CSMD2: variants seen among roughly 807,000 people sequenced by gnomAD.
The protein encoded by CSMD2 is CUB and sushi domain-containing protein 2.
CSMD2 carries 130 observed loss-of-function variants against 398.5 expected under a neutral mutation model. That is an observed-to-expected ratio of 0.33 (90% CI 0.28 to 0.38). CSMD2 has a LOEUF of 0.38. Among genes scored for constraint, CSMD2 ranks in the 10% least tolerant of loss-of-function variants. The pLI is 1.00. For missense variants in CSMD2, 3,829 were observed against 4,764.9 expected (o/e 0.80, Z 5.78); for synonymous variants, 1,828 against 1,908.5 (o/e 0.96, Z 1.10).
rs774765893 is a variant in CSMD2 at position 33,567,478 on chromosome 1, C to CATATATATATATATATATATATATAT, written c.8380+114_8380+115insATATATATATATATATATATATATAT. ...CAGTTTTGAAAAAAAAAATAGCAATCATATATATATATATATATTTAAAAC... is the reference window on the plus strand; with the variant it reads ...CAGTTTTGAAAAAAAAAATAGCAATCATATATATATATATATATATATATATATATATATATATATATATTTAAAAC... On this transcript the variant is annotated intron_variant, in intron 53 of 70. Transcript: ENST00000373381. 3.4e-3 allele frequency: 1,583 copies of CATATATATATATATATATATATATAT among 468,632 alleles called. 23 individuals are homozygous for CATATATATATATATATATATATATAT. The highest frequency in any genetic ancestry group is 5.8e-3 in the Admixed American group (121 of 20,718). The allele number at this position is 468,632 out of a possible 1,614,324, so 29.0% of individuals were successfully genotyped here.
At chr1:33,538,190 T>G (rs894178980) in intron 60 of CSMD2, among the ~76,000 whole-genome samples, 1 of 152,210 alleles carries the variant, frequency 6.6e-6, no homozygotes, top group Non-Finnish European at 1.5e-5. Flanking sequence ...TTCTTTTTTG[T>G]TTTTTCTTTT....
At chr1:33,958,454 G>A (rs1359342863) in intron 3 of CSMD2, among the ~76,000 whole-genome samples, 2 of 152,156 alleles carry the variant, frequency 1.3e-5, no homozygotes, top group Non-Finnish European at 2.9e-5. Flanking sequence ...TCACACCCAT[G>A]ACTAGGTAAA....
rs557306240 is a variant in CSMD2, at chr1:33,541,242, G to A, written c.9345C>T (p.Asn3115=). Residue 3115 remains asparagine, a synonymous_variant, in exon 59 of 71, where the codon AAC becomes AAT. Coordinates refer to ENST00000373381, the MANE Select transcript of CSMD2 (RefSeq NM_001281956.2). ...GLRLGNDFRY[N]KTVTYQCVPG... is the part of the protein sequence containing the mutation. Reference sequence around the variant, plus strand: ...GGACACACTGATATGTCACAGTTTTGTTGTACCTGAAGTCATTGCCCAGCC... The same window carrying A: ...GGACACACTGATATGTCACAGTTTTATTGTACCTGAAGTCATTGCCCAGCC... 46 of 1,614,016 alleles carry A rather than the reference G, an allele frequency of 2.9e-5. No individual in the cohort carries two copies. In the South Asian group the frequency reaches 4.7e-4, roughly 17 times the overall value.
intron 4 of CSMD2, among the ~76,000 whole-genome samples, chr1:33,929,218 C>T (rs1016621504): frequency 4.6e-5 from 7 of 152,092 alleles, no homozygotes; most frequent in African/African-American, 1.7e-4. Flanking sequence ...CAATCTACGC[C>T]TGTCCCTCCA....
intron 15 of CSMD2, among the ~76,000 whole-genome samples, chr1:33,730,847 G>GAA (rs1646694843): frequency 6.6e-6 from 1 of 152,114 alleles, no homozygotes; most frequent in Admixed American, 6.5e-5. Flanking sequence ...AACCCATGAC[G>GAA]AATTTTCTTT....
intron 5 of CSMD2, among the ~76,000 whole-genome samples, chr1:33,903,497 C>T (rs775442066): frequency 6.6e-6 from 1 of 152,058 alleles, no homozygotes; most frequent in Non-Finnish European, 1.5e-5. Flanking sequence ...CAAATGTCCC[C>T]CAGGAAGGTT....
intron 25 of CSMD2, 121 bp downstream of exon 25, chr1:33,692,809 A>G (rs371511128): frequency 4.8e-6 from 6 of 1,254,956 alleles, no homozygotes; most frequent in Non-Finnish European, 6.8e-6. Flanking sequence ...ACCACTATTG[A>G]TCACAAGGTT....
At chr1:33,644,973 G>A (rs1431793756) in intron 29 of CSMD2, among the ~76,000 whole-genome samples, 3 of 152,096 alleles carry the variant, frequency 2.0e-5, no homozygotes, top group Non-Finnish European at 2.9e-5. Context: ...AACTGTACCC[G>A]ACAAACAGGA....
chr1:33,579,113 T>G (rs1220804252), intron 48 of CSMD2, among the ~76,000 whole-genome samples: 1 of 152,216 alleles, frequency 6.6e-6, no homozygotes, highest in Non-Finnish European at 1.5e-5. Context: ...TAATTACAAC[T>G]GACTCATTAT....
intron 5 of CSMD2, among the ~76,000 whole-genome samples, chr1:33,876,916 T>C (rs913398258): frequency 6.6e-6 from 1 of 152,208 alleles, no homozygotes; most frequent in Non-Finnish European, 1.5e-5. Flanking sequence ...ATTCTTGGCA[T>C]GACAGATAAT....
intron 21 of CSMD2, among the ~76,000 whole-genome samples, chr1:33,710,859 A>C (rs1306028316): frequency 1.3e-5 from 2 of 152,204 alleles, no homozygotes; most frequent in African/African-American, 4.8e-5. Context: ...GATGGGGGCC[A>C]CATGTCCCAC....
chr1:33,577,487 G>A lies in CSMD2; in HGVS notation c.7388-3C>T. The stretch of plus-strand genomic sequence containing the variant: ...CCTGGGCAGGCTGCAGTAAGGGGCT[G>A]AACAACAAGATGAGGTTCAGGGAAC... On this transcript the variant is annotated splice_polypyrimidine_tract_variant and splice_region_variant and intron_variant, in intron 48 of 70. Transcript: ENST00000373381. The A allele has an allele frequency of 6.2e-7, 1 of 1,603,704 alleles. No homozygotes were observed. Among genetic ancestry groups the A allele is most frequent in the Non-Finnish European group, 8.5e-7 (1 of 1,172,354 alleles).
At chr1:33,758,104 C>A (rs1484316964) in intron 13 of CSMD2, among the ~76,000 whole-genome samples, 2 of 152,172 alleles carry the variant, frequency 1.3e-5, no homozygotes, top group Non-Finnish European at 2.9e-5. Flanking sequence ...AAGGCCCTTG[C>A]CAATCTTTTT....
At position 33,533,931 on chromosome 1, in the gene CSMD2, T is replaced by A; in HGVS notation, c.9880-24A>T. 6.7e-7 allele frequency: 1 copy of A among 1,493,190 alleles called. No homozygotes were observed. Among genetic ancestry groups the A allele is most frequent in the Middle Eastern group, 1.7e-4 (1 of 5,840 alleles). The allele number at this position is 1,493,190 out of a possible 1,614,324, so 92.5% of individuals were successfully genotyped here. A position where few individuals can be genotyped will look rare whatever the true frequency, so the allele number is the denominator to read the frequency against. ...ACCTGCGGCAAGATACAAAGTCCCA[T>A]CAGCCCCTTCCTTTCAGCGGTGCTT... On this transcript the variant is annotated intron_variant, in intron 62 of 70. Coordinates refer to ENST00000373381, the MANE Select transcript of CSMD2 (RefSeq NM_001281956.2). The surrounding 1 kb of genome is among the most constrained non-coding windows in gnomAD (Gnocchi z 4.2).
At chr1:34,025,317 C>T (rs2118109) in intron 3 of CSMD2, among the ~76,000 whole-genome samples, 17,464 of 152,186 alleles carry the variant, frequency 0.11, 1,089 homozygotes, top group East Asian at 0.19. Context: ...CTCCCTGCTC[C>T]CCTTTGGGAG....
chr1:34,011,415 T>G (rs1296760022), intron 3 of CSMD2, among the ~76,000 whole-genome samples: 1 of 152,110 alleles, frequency 6.6e-6, no homozygotes, highest in African/African-American at 2.4e-5. Flanking sequence ...AGGTAAACGT[T>G]GCAGTGTTTC....
chr1:33,842,125 T>C (rs1660913445), intron 6 of CSMD2, among the ~76,000 whole-genome samples: 1 of 152,148 alleles, frequency 6.6e-6, no homozygotes, highest in African/African-American at 2.4e-5. Flanking sequence ...GTTAATATCA[T>C]TTTGCTAAAA....
intron 47 of CSMD2, among the ~76,000 whole-genome samples, chr1:33,581,676 C>T (rs1638737458): frequency 6.6e-6 from 1 of 151,818 alleles, no homozygotes; most frequent in Non-Finnish European, 1.5e-5. Flanking sequence ...CTCCCTAATA[C>T]TGCTTTTGAA....
At chr1:33,942,290 A>C (rs1351772084) in intron 3 of CSMD2, among the ~76,000 whole-genome samples, 1 of 152,230 alleles carries the variant, frequency 6.6e-6, no homozygotes, top group East Asian at 1.9e-4. Context: ...TCCATTCCAC[A>C]GGAAGTCCAT....
Sources: allele counts gnomAD v4.1 joint callset (sites outside exome capture counted in the v4.1 genomes callset), GRCh38; gene constraint gnomAD v4.1.1; non-coding constraint Gnocchi (gnomAD v3.1); transcripts MANE v1.5; gene names NCBI Gene and HGNC (gene_info 2026-07-23, HGNC 2026-07-21).